Variants in ZC3H14 observed in about 807,000 individuals in gnomAD.
ZC3H14 encodes zinc finger CCCH-type containing 14.
ZC3H14 carries 31 observed loss-of-function variants against 92.4 expected under a neutral mutation model. That is an observed-to-expected ratio of 0.34 (90% CI 0.25 to 0.45). ZC3H14 has a LOEUF of 0.45. ZC3H14 is among the 20% of genes least tolerant of loss of function. ZC3H14 has a pLI of 1.00. For missense variants in ZC3H14, 781 were observed against 897.3 expected, an observed-to-expected ratio of 0.87 and a Z score of 1.66; for synonymous variants, 321 against 300.9, an observed-to-expected ratio of 1.07 and a Z score of -0.69.
intron 15 of ZC3H14, among the ~76,000 whole-genome samples, 187 bp from the exon 16 acceptor site, chr14:88,610,647 A>AG (rs1220072643): frequency 6.6e-6 from 1 of 150,620 alleles, no homozygotes; most frequent in African/African-American, 2.4e-5. Flanking sequence ...CCATCTCTTA[A>AG]AAAAAAAAAA....
At position 88,595,224 on chromosome 14, in the gene ZC3H14, T is replaced by G. The variant is rs533594138; in HGVS notation, c.1280-1510T>G. The G allele has an allele frequency of 2.6e-6, 4 of 1,529,768 alleles. No individual in the cohort carries two copies. In the South Asian group the frequency reaches 5.0e-5, roughly 19 times the overall value. The allele number at this position is 1,529,768 out of a possible 1,614,324, so 94.8% of individuals were successfully genotyped here. A position where few individuals can be genotyped will look rare whatever the true frequency, so the allele number is the denominator to read the frequency against. On this transcript the variant is annotated intron_variant, in intron 9 of 16. Coordinates refer to ENST00000251038, the MANE Select transcript of ZC3H14 (RefSeq NM_024824.5). ...GGAGCAAGTTACAGAGAACTTGAAT[T>G]TTTCATGGACCTTTAATGACAAATT...
chr14:88,594,995 A>G, intron 9 of ZC3H14: 1 of 1,613,920 alleles, frequency 6.2e-7, no homozygotes, highest in Non-Finnish European at 8.5e-7. Flanking sequence ...AAAATGAATG[A>G]ATATTCAACA....
intron 2 of ZC3H14, among the ~76,000 whole-genome samples, chr14:88,565,295 C>G (rs1296690582): frequency 1.3e-5 from 2 of 152,034 alleles, no homozygotes; most frequent in East Asian, 3.9e-4. Context: ...GCATCTGCCA[C>G]TACACCCAGC....
chr14:88,594,712 G>A lies in ZC3H14; in HGVS notation c.1280-2022G>A, dbSNP rs1219291238. 3.7e-6 allele frequency: 6 copies of A among 1,613,778 alleles called. No homozygotes were observed. In the African/African-American group the frequency reaches 6.7e-5, roughly 18 times the overall value. ...AGAATTTTATGAAAATGTCTTTGAG[G>A]TTCCTGTCACCTTTATGAGAATGTC... On this transcript the variant is annotated intron_variant, in intron 9 of 16. Coordinates refer to ENST00000251038, the MANE Select transcript of ZC3H14 (RefSeq NM_024824.5).
chr14:88,571,989 G>C (rs2080476317), intron 4 of ZC3H14, 41 bp from the exon 5 acceptor site: 3 of 1,413,144 alleles, frequency 2.1e-6, no homozygotes, highest in Non-Finnish European at 2.9e-6. Context: ...ATAAAAATAA[G>C]AAATAAAAAT....
intron 7 of ZC3H14, among the ~76,000 whole-genome samples, chr14:88,575,362 G>A (rs944257439): frequency 3.9e-5 from 6 of 152,070 alleles, no homozygotes; most frequent in African/African-American, 1.4e-4. Flanking sequence ...GGGGTGAGGA[G>A]GAACAACATC....
At chr14:88,588,995 AT>A (rs1011510470) in intron 9 of ZC3H14, among the ~76,000 whole-genome samples, 36 of 150,072 alleles carry the variant, frequency 2.4e-4, no homozygotes, top group African/African-American at 6.8e-4. Context: ...AATTAAAGGG[AT>A]TTTTTTTTTC....
chr14:88,607,375 C>A lies in ZC3H14; in HGVS notation c.1868+12C>A. 6.5e-7 allele frequency: 1 copy of A among 1,542,932 alleles called. No homozygotes were observed. Among genetic ancestry groups the A allele is most frequent in the Non-Finnish European group, 8.8e-7 (1 of 1,140,490 alleles). On this transcript the variant is annotated intron_variant, in intron 13 of 16. Transcript: ENST00000251038. ...ATCTCACCCTGCAAGTGAGTACCAT[C>A]CCCCCATCTCACCCTGCAAGTGAGT...
chr14:88,579,931 G>A (rs1273533261), intron 9 of ZC3H14, among the ~76,000 whole-genome samples: 4 of 152,216 alleles, frequency 2.6e-5, no homozygotes, highest in African/African-American at 4.8e-5. Context: ...GAACTTTGAG[G>A]CTGGGTGCAG....
chr14:88,589,347 C>T (rs1361620656), intron 9 of ZC3H14: 3 of 152,110 alleles, frequency 2.0e-5, no homozygotes. Flanking sequence ...TCTGGCAGTA[C>T]CATTCACAAG....
intron 10 of ZC3H14, among the ~76,000 whole-genome samples, chr14:88,601,275 G>A (rs1566965377): frequency 1.3e-5 from 2 of 152,120 alleles, no homozygotes; most frequent in African/African-American, 2.4e-5. Flanking sequence ...ACTTCAGTCC[G>A]TTGATGGCGT....
chr14:88,616,085 T>TTAAG lies in ZC3H14; in HGVS notation c.*4336_*4339dup. ...AACCAAAGCTGTAGGAGTTGTTGTA[T>TTAAG]TAAGTCTCTTAACTAGTAACATAGT... On this transcript the variant is annotated 3_prime_UTR_variant, in exon 17 of 17. Transcript: ENST00000251038. 1 of 1,562,980 alleles carries TTAAG rather than the reference T, an allele frequency of 6.4e-7. No homozygotes were observed. The highest frequency in any genetic ancestry group is 8.8e-7 in the Non-Finnish European group (1 of 1,134,160).
At chr14:88,574,129 T>C (rs916722994) in intron 6 of ZC3H14, among the ~76,000 whole-genome samples, 3 of 152,296 alleles carry the variant, frequency 2.0e-5, no homozygotes, top group African/African-American at 7.2e-5. Flanking sequence ...ATTAACTCTG[T>C]TTTATTAGTT....
At position 88,626,766 on chromosome 14, in the gene ZC3H14, T is replaced by C; in HGVS notation, c.*15015T>C. ...CACAGTATCATCTCAACAACATTCATGTGGCTGATGATCTAAGGCAAGAGA... is the reference window on the plus strand; with the variant it reads ...CACAGTATCATCTCAACAACATTCACGTGGCTGATGATCTAAGGCAAGAGA... On this transcript the variant is annotated 3_prime_UTR_variant, in exon 17 of 17. Coordinates refer to ENST00000251038, the MANE Select transcript of ZC3H14 (RefSeq NM_024824.5). 2 of 1,454,442 alleles carry C rather than the reference T, an allele frequency of 1.4e-6. No individual in the cohort carries two copies. Among genetic ancestry groups the C allele is most frequent in the South Asian group, 1.2e-5 (1 of 82,860 alleles). The allele number at this position is 1,454,442 out of a possible 1,614,324, so 90.1% of individuals were successfully genotyped here.
intron 2 of ZC3H14, 84 bp from the exon 3 acceptor site, chr14:88,567,955 C>T: frequency 9.2e-7 from 1 of 1,089,784 alleles, no homozygotes; most frequent in Middle Eastern, 2.0e-4. Context: ...AAGCTTAGAG[C>T]TACATCTATA....
rs141996438 is a variant in ZC3H14, at chr14:88,598,537, C to T, written c.1354+1729C>T. 1.6e-3 allele frequency among the ~76,000 whole-genome samples: 251 copies of T among 152,296 alleles called. 3 individuals are homozygous for T. Among genetic ancestry groups the T allele is most frequent in the African/African-American group, 5.7e-3 (237 of 41,560 alleles). On this transcript the variant is annotated intron_variant, in intron 10 of 16. Coordinates refer to ENST00000251038, the MANE Select transcript of ZC3H14 (RefSeq NM_024824.5). ...CTTGGTCCAGGGACTCTGTTCTTAT[C>T]CTCTGAAGAGTCTAAAGCTCCACTT...
intron 3 of ZC3H14, among the ~76,000 whole-genome samples, chr14:88,569,318 A>C (rs2080097739): frequency 6.6e-6 from 1 of 152,108 alleles, no homozygotes; most frequent in Admixed American, 6.5e-5. Flanking sequence ...TTACTTTTTA[A>C]GCTTTTTGTT....
chr14:88,622,731 C>A lies in ZC3H14; in HGVS notation c.*10980C>A. ...TCCTTCTTTTGACCTAAGTAAATAA[C>A]CAAGCCAGAGTAAGTGTTCATTATT... is the stretch of plus-strand genomic sequence containing the variant. On this transcript the variant is annotated 3_prime_UTR_variant, in exon 17 of 17. Transcript: ENST00000251038. 2 of 1,577,454 alleles carry A rather than the reference C, an allele frequency of 1.3e-6. No individual in the cohort carries two copies. Among genetic ancestry groups the A allele is most frequent in the Non-Finnish European group, 8.6e-7 (1 of 1,159,436 alleles).
chr14:88,585,701 C>A (rs2082390262), intron 9 of ZC3H14, among the ~76,000 whole-genome samples: 1 of 152,082 alleles, frequency 6.6e-6, no homozygotes, highest in Non-Finnish European at 1.5e-5. Flanking sequence ...CATTTCTGTT[C>A]TTTTAGTCGT....
Sources: gnomAD v4.1 joint callset for allele counts (sites outside exome capture counted in the v4.1 genomes callset) on GRCh38, gnomAD v4.1.1 for gene constraint, MANE v1.5 for transcripts, NCBI Gene and HGNC (gene_info 2026-07-23, HGNC 2026-07-21) for gene names.